MSN: variants seen among roughly 807,000 people sequenced by gnomAD.
MSN encodes epididymis luminal protein 70.
In MSN, 2 loss-of-function variants were observed where a neutral mutation model predicts 48.0. The observed-to-expected ratio is 0.04, with a 90% CI of 0.02 to 0.13. The LOEUF (loss-of-function observed/expected upper bound fraction) is 0.13. MSN is among the 10% of genes least tolerant of loss of function. The probability of loss-of-function intolerance (pLI) is 1.00; values close to 1 mark genes in which losing one functional copy is unlikely to be tolerated. For synonymous variants in MSN, 146 were observed against 166.9 expected (o/e 0.87, Z 0.97); for missense variants, 267 against 470.1 (o/e 0.57, Z 3.99).
intron 1 of MSN, among the ~76,000 whole-genome samples, chrX:65,595,240 G>A (rs1056163251): frequency 8.9e-6 from 1 of 112,202 alleles, no homozygotes; most frequent in Admixed American, 9.4e-5. Flanking sequence ...TGCCCCTCAT[G>A]TGAAAACTTC....
chrX:65,602,301 A>T (rs760829645), intron 1 of MSN, among the ~76,000 whole-genome samples: 72 of 111,593 alleles, frequency 6.5e-4, no homozygotes, highest in African/African-American at 2.3e-3. Context: ...ACAGAGTAAC[A>T]GTAGGATGTC....
chrX:65,625,833 C>T (rs1360585904), intron 1 of MSN: 1 of 110,889 alleles, frequency 9.0e-6, no homozygotes, highest in Middle Eastern at 4.3e-3. Context: ...TTCTTTTTCC[C>T]TTTTAAATAA....
At position 65,654,192 on chromosome X, in the gene MSN, G is replaced by A. The variant is rs1377471169; in HGVS notation, c.-21-62626G>A. Among the ~76,000 whole-genome samples the A allele has an allele frequency of 4.1e-5, 4 of 98,533 alleles. No individual in the cohort carries two copies. In the South Asian group the frequency reaches 1.6e-3, roughly 39 times the overall value. 85.6% of individuals were successfully genotyped at this position (98,533 alleles called of 115,157 possible). A position where few individuals can be genotyped will look rare whatever the true frequency, so the allele number is the denominator to read the frequency against. On this transcript the variant is annotated intron_variant, in intron 1 of 3. Transcript: ENST00000609672. ...GCGATCTCCACTCACTGCAAGCTCCGCCTCCCGGGCTCACACCATTCTCCT... is the reference window on the plus strand; with the variant it reads ...GCGATCTCCACTCACTGCAAGCTCCACCTCCCGGGCTCACACCATTCTCCT...
At chrX:65,650,327 A>T (rs2070733110) in intron 1 of MSN, among the ~76,000 whole-genome samples, 1 of 111,510 alleles carries the variant, frequency 9.0e-6, no homozygotes, top group Admixed American at 9.5e-5. Context: ...GCTTCAAGTG[A>T]TCCACCCCCC....
chrX:65,623,368 C>CTTTTTTTTTTTTTTTT (rs773663630), intron 1 of MSN, among the ~76,000 whole-genome samples: 2 of 74,174 alleles, frequency 2.7e-5, no homozygotes, highest in African/African-American at 4.8e-5. Context: ...TCTTTCTTTT[C>CTTTTTTTTTTTTTTTT]TTTTTTTTTT....
chrX:65,683,393 GCCACCACCACCA>G (rs535010759), intron 1 of MSN, among the ~76,000 whole-genome samples: 81 of 91,314 alleles, frequency 8.9e-4, no homozygotes, highest in African/African-American at 2.2e-3. Context: ...TGCCGCCGCC[GCCACCACCACCA>G]CCACCACCAC....
chrX:65,683,887 T>C lies in MSN; in HGVS notation c.12+16034T>C, dbSNP rs2071083311. 5.4e-5 allele frequency among the ~76,000 whole-genome samples: 6 copies of C among 111,080 alleles called. No homozygotes were observed. In the Admixed American group the frequency reaches 5.7e-4, roughly 11 times the overall value. On this transcript the variant is annotated intron_variant, in intron 1 of 12. Coordinates refer to ENST00000360270, the MANE Select transcript of MSN (RefSeq NM_002444.3). Reference sequence around the variant, plus strand: ...TGACTGTATTCTCCAGAGACAACCATCATTAACCAGTTAGTTATGTGAACA... The same window carrying C: ...TGACTGTATTCTCCAGAGACAACCACCATTAACCAGTTAGTTATGTGAACA...
intron 2 of MSN, among the ~76,000 whole-genome samples, chrX:65,718,529 T>C (rs772062835): frequency 8.9e-6 from 1 of 111,865 alleles, no homozygotes; most frequent in African/African-American, 3.3e-5. Flanking sequence ...TCTTGTATTA[T>C]TAATTGAGCT....
At chrX:65,611,295 G>T (rs58175065) in intron 1 of MSN, among the ~76,000 whole-genome samples, 1 of 109,717 alleles carries the variant, frequency 9.1e-6, no homozygotes, top group African/African-American at 3.3e-5. Flanking sequence ...AAGTAGCTGC[G>T]ATTACAGGTG....
chrX:65,596,790 G>T (rs2070190493), intron 1 of MSN, among the ~76,000 whole-genome samples: 2 of 109,348 alleles, frequency 1.8e-5, no homozygotes, highest in South Asian at 7.9e-4. Context: ...TGGAGTGTCT[G>T]CATAAATACC....
At chrX:65,710,407 A>C (rs1437752154) in intron 1 of MSN, among the ~76,000 whole-genome samples, 5 of 111,538 alleles carry the variant, frequency 4.5e-5, no homozygotes, top group Non-Finnish European at 9.4e-5. Flanking sequence ...AATTTATAGG[A>C]AGCTCCTTAA....
intron 1 of MSN, among the ~76,000 whole-genome samples, chrX:65,670,897 TATATATATA>T (rs2070928289): frequency 3.1e-3 from 1 of 325 alleles, no homozygotes; most frequent in Non-Finnish European, 0.01. Context: ...TGATGACAGT[TATATATATA>T]TATATATATA....
At position 65,653,036 on chromosome X, in the gene MSN, T is replaced by C. The variant is rs930173924; in HGVS notation, c.-21-63782T>C. Among the ~76,000 whole-genome samples the C allele has an allele frequency of 5.4e-5, 6 of 111,825 alleles. No homozygotes were observed. In the Admixed American group the frequency reaches 5.7e-4, roughly 11 times the overall value. ...CTGGATGTCTTTGGAACCAGTCATATGGCAGTATATTTAGGACTTTGTTGG... is the reference window on the plus strand; with the variant it reads ...CTGGATGTCTTTGGAACCAGTCATACGGCAGTATATTTAGGACTTTGTTGG... On this transcript the variant is annotated intron_variant, in intron 1 of 3. Transcript: ENST00000609672.
At chrX:65,648,146 TG>T (rs2070709333) in intron 1 of MSN, among the ~76,000 whole-genome samples, 1 of 107,207 alleles carries the variant, frequency 9.3e-6, no homozygotes, top group Non-Finnish European at 1.9e-5. Flanking sequence ...GGGGGGGGCG[TG>T]AGGAAAAAGA....
chrX:65,607,456 G>C (rs2070287225), intron 1 of MSN, among the ~76,000 whole-genome samples: 1 of 111,546 alleles, frequency 9.0e-6, no homozygotes, highest in Non-Finnish European at 1.9e-5. Context: ...TCATAACTGG[G>C]TTTCCTTTGA....
intron 1 of MSN, among the ~76,000 whole-genome samples, chrX:65,643,471 C>A (rs1176646959): frequency 9.0e-6 from 1 of 110,971 alleles, no homozygotes; most frequent in Non-Finnish European, 1.9e-5. Flanking sequence ...ATCTTAGAAC[C>A]AGCTAGGCTC....
chrX:65,631,189 G>A (rs946287428), intron 1 of MSN, among the ~76,000 whole-genome samples: 4 of 108,603 alleles, frequency 3.7e-5, no homozygotes, highest in Admixed American at 9.9e-5. Flanking sequence ...TCCACCTCCC[G>A]GGCTCAAACA....
intron 1 of MSN, among the ~76,000 whole-genome samples, chrX:65,646,034 T>C (rs2070692980): frequency 8.9e-6 from 1 of 112,271 alleles, no homozygotes; most frequent in Admixed American, 9.5e-5. Flanking sequence ...AATGCAAATA[T>C]TCCAAAATTT....
At chrX:65,622,510 GTTT>G (rs1216557190) in intron 1 of MSN, among the ~76,000 whole-genome samples, 26 of 66,457 alleles carry the variant, frequency 3.9e-4, no homozygotes, top group African/African-American at 1.1e-3. Flanking sequence ...AGGCATCTTT[GTTT>G]TTTTTTTTTT....
Sources: allele counts gnomAD v4.1 joint callset (sites outside exome capture counted in the v4.1 genomes callset), GRCh38; gene constraint gnomAD v4.1.1; transcripts MANE v1.5; gene names NCBI Gene and HGNC (gene_info 2026-07-23, HGNC 2026-07-21).